The following OLFM4 variants were observed in gnomAD, a reference collection of about 807,000 sequenced individuals.
The protein encoded by OLFM4 is olfactomedin 4.
Under a neutral mutation model 25.5 loss-of-function variants are expected in OLFM4, and 22 were observed. The ratio of observed to expected loss-of-function variants is 0.86; its 90% CI spans 0.62 to 1.23. The LOEUF (loss-of-function observed/expected upper bound fraction) is 1.23, where lower values mean the gene tolerates loss of function less well. OLFM4 is among the 50% of genes most tolerant of loss of function. The pLI is 0.00. For synonymous variants in OLFM4, 255 were observed against 237.7 expected (o/e 1.07, Z -0.67); for missense variants, 594 against 619.4 (o/e 0.96, Z 0.44).
At chr13:53,035,319 TA>T (rs1196744406) in intron 2 of OLFM4, among the ~76,000 whole-genome samples, 2 of 144,522 alleles carry the variant, frequency 1.4e-5, no homozygotes, top group Non-Finnish European at 3.0e-5. Context: ...TTTTTAATCT[TA>T]TTTTTTTTTG....
At position 53,043,245 on chromosome 13, in the gene OLFM4, C is replaced by A; in HGVS notation, c.711C>A (p.Val237=). ...CTAAAGATCAAAACACCCCTGTCGT[C>A]CACCCTCCTCCCACTCCAGGTAAGC... The part of the protein sequence containing the change: ...EASKDQNTPV[V]HPPPTPGSCG... The change falls in exon 4 of 5, where the codon GTC becomes GTA. Residue 237 remains valine, a synonymous_variant. Coordinates refer to ENST00000219022, the MANE Select transcript of OLFM4 (RefSeq NM_006418.5). 6.2e-7 allele frequency: 1 copy of A among 1,606,856 alleles called. No individual in the cohort carries two copies. Among genetic ancestry groups the A allele is most frequent in the Middle Eastern group, 1.7e-4 (1 of 6,002 alleles).
intron 2 of OLFM4, among the ~76,000 whole-genome samples, chr13:53,038,590 A>G (rs1264102897): frequency 6.6e-6 from 1 of 152,210 alleles, no homozygotes; most frequent in African/African-American, 2.4e-5. Flanking sequence ...ATCTCATGGG[A>G]CCACTGTCAT....
At chr13:53,033,052 C>T (rs1954637504) in intron 1 of OLFM4, among the ~76,000 whole-genome samples, 1 of 152,068 alleles carries the variant, frequency 6.6e-6, no homozygotes, top group Admixed American at 6.5e-5. Context: ...CAGATGAGAT[C>T]ATTAAAAGGC....
intron 1 of OLFM4, among the ~76,000 whole-genome samples, chr13:53,030,062 C>T (rs932401759): frequency 6.6e-6 from 1 of 152,114 alleles, no homozygotes; most frequent in Non-Finnish European, 1.5e-5. Context: ...GATCTTTCCT[C>T]ACAGGTCAGG....
At chr13:53,040,882 A>G (rs901884183) in intron 2 of OLFM4, among the ~76,000 whole-genome samples, 1 of 152,174 alleles carries the variant, frequency 6.6e-6, no homozygotes, top group African/African-American at 2.4e-5. Context: ...AGGGCTCAAT[A>G]TCACTTGATC....
chr13:53,048,275 A>G (rs1340187778), intron 4 of OLFM4, among the ~76,000 whole-genome samples: 1 of 152,174 alleles, frequency 6.6e-6, no homozygotes, highest in African/African-American at 2.4e-5. Flanking sequence ...TTGCTTTTTT[A>G]TTTATGAAAT....
chr13:53,030,416 C>T (rs1566314348), intron 1 of OLFM4, among the ~76,000 whole-genome samples: 1 of 152,280 alleles, frequency 6.6e-6, no homozygotes, highest in East Asian at 1.9e-4. Context: ...GATTGTCCCA[C>T]CTCAGCCTCC....
At chr13:53,042,669 A>C (rs1035400279) in intron 3 of OLFM4, among the ~76,000 whole-genome samples, 8 of 152,232 alleles carry the variant, frequency 5.3e-5, no homozygotes, top group Non-Finnish European at 8.8e-5. Context: ...TTATATCAAC[A>C]AAAATTTACT....
At chr13:53,048,954 T>G (rs2138242994) in intron 4 of OLFM4, among the ~76,000 whole-genome samples, 1 of 152,346 alleles carries the variant, frequency 6.6e-6, no homozygotes, top group Non-Finnish European at 1.5e-5. Context: ...AACTTTATTT[T>G]ATTTTTATAG....
chr13:53,043,595 GGAAA>G (rs1425232701), intron 4 of OLFM4, among the ~76,000 whole-genome samples: 1 of 152,226 alleles, frequency 6.6e-6, no homozygotes, highest in East Asian at 1.9e-4. Flanking sequence ...GGGCCTCAGG[GGAAA>G]GCCTCTGGAA....
chr13:53,031,779 G>T (rs1482973721), intron 1 of OLFM4, among the ~76,000 whole-genome samples: 1 of 152,158 alleles, frequency 6.6e-6, no homozygotes, highest in Non-Finnish European at 1.5e-5. Context: ...ACGTGCTTAG[G>T]GAAAACCTAC....
chr13:53,048,707 A>G (rs1046597249), intron 4 of OLFM4, among the ~76,000 whole-genome samples: 3 of 152,252 alleles, frequency 2.0e-5, no homozygotes, highest in South Asian at 2.1e-4. Flanking sequence ...ATGTTCCTCA[A>G]TGGCTCTCTG....
At position 53,029,978 on chromosome 13, in the gene OLFM4, G is replaced by A. The variant is rs185357083; in HGVS notation, c.204+938G>A. ...GAACCCCACTCTGCAAACCTCCTAG[G>A]CTATTTTTGCTAAGGTATAACTTGG... On this transcript the variant is annotated intron_variant, in intron 1 of 4. Coordinates refer to ENST00000219022, the MANE Select transcript of OLFM4 (RefSeq NM_006418.5). Among the ~76,000 whole-genome samples the A allele has an allele frequency of 7.9e-4, 120 of 152,138 alleles. 1 individual carries two copies. The highest frequency in any genetic ancestry group is 2.6e-3 in the African/African-American group (109 of 41,488).
chr13:53,029,561 C>A lies in OLFM4; in HGVS notation c.204+521C>A, dbSNP rs928824564. 5.3e-5 allele frequency among the ~76,000 whole-genome samples: 8 copies of A among 152,264 alleles called. No individual in the cohort carries two copies. The East Asian group carries it at 1.4e-3, about 26-fold the overall frequency. On this transcript the variant is annotated intron_variant, in intron 1 of 4. Coordinates refer to ENST00000219022, the MANE Select transcript of OLFM4 (RefSeq NM_006418.5). ...CCTCGAGGGAGTGAGAGCCGCAGTG[C>A]CCTAGTTGAAGCCCTGACCATTTCT...
rs1451849338 is a variant in OLFM4 at position 53,050,062 on chromosome 13, G to A, written c.824G>A (p.Gly275Asp). 1.2e-6 allele frequency: 2 copies of A among 1,613,872 alleles called. No homozygotes were observed. Among genetic ancestry groups the A allele is most frequent in the Non-Finnish European group, 1.7e-6 (2 of 1,179,936 alleles). Residue 275 changes from glycine to aspartate, a missense_variant, in exon 5 of 5, where the codon GGT becomes GAT. By Grantham distance (94) the Gly-to-Asp change is moderately conservative. Coordinates refer to ENST00000219022, the MANE Select transcript of OLFM4 (RefSeq NM_006418.5). ...TTTTCTTATCTATATGGTGCTTGGG[G>A]TAGGGATTACTCTCCCCAGCATCCA... is the stretch of plus-strand genomic sequence containing the variant. ...RGFSYLYGAW[G>D]RDYSPQHPNK...
intron 1 of OLFM4, among the ~76,000 whole-genome samples, chr13:53,033,803 G>A (rs1228823806): frequency 2.0e-5 from 3 of 152,144 alleles, no homozygotes; most frequent in African/African-American, 4.8e-5. Context: ...GCTCACGCCT[G>A]TAATCCCAGC....
At chr13:53,039,217 G>A (rs1215205040) in intron 2 of OLFM4, among the ~76,000 whole-genome samples, 1 of 152,224 alleles carries the variant, frequency 6.6e-6, no homozygotes, top group African/African-American at 2.4e-5. Context: ...TGTTCCAAGA[G>A]CTGGCAAGGC....
intron 1 of OLFM4, among the ~76,000 whole-genome samples, chr13:53,031,379 A>G (rs967733521): frequency 2.0e-5 from 3 of 152,192 alleles, no homozygotes; most frequent in Non-Finnish European, 4.4e-5. Context: ...ATTATTTTAT[A>G]CCTTGAATCT....
chr13:53,038,103 T>A (rs542768699), intron 2 of OLFM4, among the ~76,000 whole-genome samples: 1 of 152,182 alleles, frequency 6.6e-6, no homozygotes, highest in Non-Finnish European at 1.5e-5. Context: ...AGACTTGTCA[T>A]GATGAGGAGC....
Sources: gnomAD v4.1 joint callset for allele counts (sites outside exome capture counted in the v4.1 genomes callset) on GRCh38, gnomAD v4.1.1 for gene constraint, MANE v1.5 for transcripts, NCBI Gene and HGNC (gene_info 2026-07-23, HGNC 2026-07-21) for gene names.